The following SPPL2A variants were observed in gnomAD, a reference collection of about 807,000 sequenced individuals.
SPPL2A encodes signal peptide peptidase like 2A.
In SPPL2A, 51 loss-of-function variants were observed where a neutral mutation model predicts 63.8. That is an observed-to-expected ratio of 0.80 (90% CI 0.64 to 1.01). The LOEUF (loss-of-function observed/expected upper bound fraction) is 1.01, where lower values mean the gene tolerates loss of function less well. SPPL2A is among the 50% of genes least tolerant of loss of function. The pLI, the probability that SPPL2A is intolerant of heterozygous loss-of-function variation, is 0.00. For synonymous variants in SPPL2A, 188 were observed against 205.8 expected (o/e 0.91, Z 0.74); for missense variants, 553 against 622.7 (o/e 0.89, Z 1.19).
intron 1 of SPPL2A, among the ~76,000 whole-genome samples, 189 bp downstream of exon 1, chr15:50,765,279 G>A (rs761136262): frequency 1.3e-5 from 2 of 152,044 alleles, no homozygotes; most frequent in African/African-American, 4.8e-5. Flanking sequence ...GAAAGAGGGT[G>A]GAAAAGAGGA....
Position 50,706,757 on chromosome 15 carries a change from G to C in SPPL2A, c.*1043C>G, listed in dbSNP as rs1392183585. 1.3e-5 allele frequency: 2 copies of C among 151,604 alleles called. No individual in the cohort carries two copies. The highest frequency in any genetic ancestry group is 4.8e-5 in the African/African-American group (2 of 41,278). 9.4% of individuals were successfully genotyped at this position (151,604 alleles called of 1,614,324 possible). On this transcript the variant is annotated 3_prime_UTR_variant, in exon 15 of 15. Coordinates refer to ENST00000261854, the MANE Select transcript of SPPL2A (RefSeq NM_032802.4). ...TAACAGAACCAAATTGCAAAGATCA[G>C]AAATACCAAAGTGAAACTGAATGTT...
intron 1 of SPPL2A, among the ~76,000 whole-genome samples, chr15:50,751,495 A>T (rs1391980412): frequency 6.6e-6 from 1 of 152,224 alleles, no homozygotes; most frequent in Non-Finnish European, 1.5e-5. Flanking sequence ...TTCATAAGTG[A>T]ATTGGGTACT....
At chr15:50,758,743 T>C (rs991771811) in intron 1 of SPPL2A, among the ~76,000 whole-genome samples, 2 of 151,572 alleles carry the variant, frequency 1.3e-5, no homozygotes, top group South Asian at 2.1e-4. Flanking sequence ...GCTTGGCAAA[T>C]TCTGGCCTAA....
intron 8 of SPPL2A, among the ~76,000 whole-genome samples, chr15:50,735,551 A>G (rs1272566772): frequency 6.6e-6 from 1 of 151,460 alleles, no homozygotes; most frequent in Non-Finnish European, 1.5e-5. Context: ...ACATACACAC[A>G]CACACACACA....
chr15:50,743,452 C>T (rs1567162348), intron 5 of SPPL2A, among the ~76,000 whole-genome samples: 1 of 151,926 alleles, frequency 6.6e-6, no homozygotes. Context: ...CTCAAATGGT[C>T]CTCCTACATC....
At chr15:50,742,535 A>G (rs2062830723) in intron 5 of SPPL2A, among the ~76,000 whole-genome samples, 1 of 152,044 alleles carries the variant, frequency 6.6e-6, no homozygotes, top group South Asian at 2.1e-4. Context: ...TCCCTTCCCT[A>G]AGCCTTACTC....
intron 5 of SPPL2A, among the ~76,000 whole-genome samples, chr15:50,740,790 T>C (rs2062813956): frequency 6.6e-6 from 1 of 152,092 alleles, no homozygotes; most frequent in African/African-American, 2.4e-5. Context: ...TTTTGTATTT[T>C]AGTAGAGACG....
intron 6 of SPPL2A, among the ~76,000 whole-genome samples, chr15:50,738,056 T>G (rs1329425898): frequency 6.6e-6 from 1 of 152,142 alleles, no homozygotes; most frequent in South Asian, 2.1e-4. Context: ...TGGTGGGATG[T>G]GCCTGTAGTC....
rs2062488477 is a variant in SPPL2A, at chr15:50,703,339, TA to T, written c.*4460del. 5.6e-5 allele frequency: 5 copies of T among 89,578 alleles called. No individual in the cohort carries two copies. Among genetic ancestry groups the T allele is most frequent in the Non-Finnish European group, 1.1e-4 (5 of 43,516 alleles). 5.5% of individuals were successfully genotyped at this position (89,578 alleles called of 1,614,324 possible). A position where few individuals can be genotyped will look rare whatever the true frequency, so the allele number is the denominator to read the frequency against. On this transcript the variant is annotated 3_prime_UTR_variant, in exon 15 of 15. Transcript: ENST00000261854. Reference sequence around the variant, plus strand: ...GTTCATATATACATATATATATATATATATATACATATATATATTTTTTTTT... The same window carrying T: ...GTTCATATATACATATATATATATATTATATACATATATATATTTTTTTTT...
At position 50,726,377 on chromosome 15, in the gene SPPL2A, T is replaced by G; in HGVS notation, c.1090A>C (p.Asn364His). 6.2e-7 allele frequency: 1 copy of G among 1,613,560 alleles called. No homozygotes were observed. Among genetic ancestry groups the G allele is most frequent in the Non-Finnish European group, 8.5e-7 (1 of 1,179,522 alleles). The stretch of plus-strand genomic sequence containing the variant: ...AGTTCAACCATGATACTCTCACCAT[T>G]CTAAAATTGAGAAGGAAAAGAAGTT... The part of the protein sequence containing the change: ...FVFITPFITK[N>H]GESIMVELAA... Residue 364 changes from asparagine (N) to histidine (H), a missense_variant and splice_region_variant, in exon 11 of 15, where the codon AAT (asparagine) becomes CAT (histidine). Transcript: ENST00000261854.
intron 6 of SPPL2A, 148 bp downstream of exon 6, chr15:50,739,532 A>C: frequency 2.0e-6 from 1 of 493,616 alleles, no homozygotes; most frequent in Admixed American, 4.2e-5. Flanking sequence ...GAGACCTAAC[A>C]CTCTGATAAT....
intron 5 of SPPL2A, among the ~76,000 whole-genome samples, chr15:50,746,530 A>G (rs923531245): frequency 6.6e-6 from 1 of 151,744 alleles, no homozygotes; most frequent in Admixed American, 6.6e-5. Flanking sequence ...CTCTAAATGC[A>G]TAAGAGTTCT....
chr15:50,736,007 G>T, intron 8 of SPPL2A, 94 bp downstream of exon 8: 1 of 777,890 alleles, frequency 1.3e-6, no homozygotes, highest in Non-Finnish European at 2.1e-6. Flanking sequence ...TGGCATAGAA[G>T]CAAAAAAATT....
intron 7 of SPPL2A, 136 bp downstream of exon 7, chr15:50,736,508 T>C (rs995767353): frequency 1.3e-4 from 70 of 543,144 alleles, no homozygotes; most frequent in Middle Eastern, 4.9e-4. Context: ...TTATTTAATT[T>C]TACTTAAATT....
rs571224487 is a variant in SPPL2A, at chr15:50,708,662, C to T, written c.1489-788G>A. Among the ~76,000 whole-genome samples the T allele has an allele frequency of 1.6e-3, 228 of 143,922 alleles. 1 individual carries two copies. Among genetic ancestry groups the T allele is most frequent in the African/African-American group, 5.8e-3 (222 of 38,574 alleles). The allele number at this position is 143,922 out of a possible 152,430, so 94.4% of individuals were successfully genotyped here. A position where few individuals can be genotyped will look rare whatever the true frequency, so the allele number is the denominator to read the frequency against. On this transcript the variant is annotated intron_variant, in intron 14 of 14. Coordinates refer to ENST00000261854, the MANE Select transcript of SPPL2A (RefSeq NM_032802.4). ...CGGAGGTTGCAGTGAGCCGAGATCA[C>T]GCCACTGCACTCTAGCCTGGCAACA... is the stretch of plus-strand genomic sequence containing the variant.
chr15:50,765,450 G>A lies in SPPL2A; in HGVS notation c.66+18C>T. The A allele has an allele frequency of 2.0e-6, 3 of 1,498,618 alleles. No individual in the cohort carries two copies. Among genetic ancestry groups the A allele is most frequent in the Non-Finnish European group, 2.7e-6 (3 of 1,130,828 alleles). The allele number at this position is 1,498,618 out of a possible 1,614,324, so 92.8% of individuals were successfully genotyped here. On this transcript the variant is annotated intron_variant, in intron 1 of 14. Coordinates refer to ENST00000261854, the MANE Select transcript of SPPL2A (RefSeq NM_032802.4). ...CGCCCAGCCCCTGGGAGGCCTGCGCGCCTTCCCGCCCCCTTACCAGCTGGA... is the reference window on the plus strand; with the variant it reads ...CGCCCAGCCCCTGGGAGGCCTGCGCACCTTCCCGCCCCCTTACCAGCTGGA...
In SPPL2A at chr15:50,765,671, C is replaced by CCGCTGCTACA. The variant is rs1567171626; in HGVS notation, c.-139_-138insTGTAGCAGCG. 3 of 456,694 alleles carry CCGCTGCTACA rather than the reference C, an allele frequency of 6.6e-6. No individual in the cohort carries two copies. The East Asian group carries it at 1.1e-4, about 17-fold the overall frequency. 28.3% of individuals were successfully genotyped at this position (456,694 alleles called of 1,614,324 possible). On this transcript the variant is annotated 5_prime_UTR_variant, in exon 1 of 15. Transcript: ENST00000261854. ...GCGGGCGGCCGGGCTACGACTGGAC[C>CCGCTGCTACA]GCCGCTGCTACAGCGGCCGCCACAG...
intron 5 of SPPL2A, among the ~76,000 whole-genome samples, chr15:50,741,477 T>C (rs2062819710): frequency 6.6e-6 from 1 of 152,120 alleles, no homozygotes; most frequent in Non-Finnish European, 1.5e-5. Context: ...AATAAATTTC[T>C]ACAAATGTGG....
At chr15:50,711,004 T>G (rs2141017379) in intron 14 of SPPL2A, among the ~76,000 whole-genome samples, 1 of 152,278 alleles carries the variant, frequency 6.6e-6, no homozygotes, top group East Asian at 1.9e-4. Flanking sequence ...ATTATGACTC[T>G]GCTTGATTTT....
Sources: allele counts gnomAD v4.1 joint callset (sites outside exome capture counted in the v4.1 genomes callset), GRCh38; gene constraint gnomAD v4.1.1; transcripts MANE v1.5; gene names NCBI Gene and HGNC (gene_info 2026-07-23, HGNC 2026-07-21).